CNDP2: variants seen among roughly 807,000 people sequenced by gnomAD.
CNDP2 encodes the protein cytosolic non-specific dipeptidase.
A neutral mutation model predicts 55.0 loss-of-function variants in CNDP2; 38 were observed. The ratio of observed to expected loss-of-function variants is 0.69; its 90% CI spans 0.53 to 0.90. CNDP2 has a LOEUF of 0.90. CNDP2 is among the 40% of genes least tolerant of loss of function. The pLI is 0.00. For synonymous variants in CNDP2, 241 were observed against 260.2 expected, an observed-to-expected ratio of 0.93 and a Z score of 0.71; for missense variants, 607 against 621.7, an observed-to-expected ratio of 0.98 and a Z score of 0.25.
intron 9 of CNDP2, chr18:74,518,285 G>T (rs999793869): frequency 4.3e-6 from 2 of 460,288 alleles, no homozygotes; most frequent in African/African-American, 2.0e-5. Context: ...AATAAAAAAA[G>T]AAGTCTCCTC....
Position 74,520,216 on chromosome 18 carries a change from C to A in CNDP2, c.*148C>A, listed in dbSNP as rs1979974706. 3 of 719,966 alleles carry A rather than the reference C, an allele frequency of 4.2e-6. No homozygotes were observed. The highest frequency in any genetic ancestry group is 7.0e-6 in the Non-Finnish European group (3 of 429,604). The allele number at this position is 719,966 out of a possible 1,614,324, so 44.6% of individuals were successfully genotyped here. ...CTTTAGAGAACAGACACAAGTGTAT[C>A]CAGCTGTCCACGGGTGGAGCTACCC... On this transcript the variant is annotated 3_prime_UTR_variant, in exon 12 of 12. Transcript: ENST00000324262.
chr18:74,519,863 T>C lies in CNDP2; in HGVS notation c.1359-136T>C, dbSNP rs865834234. On this transcript the variant is annotated intron_variant, in intron 11 of 11. Coordinates refer to ENST00000324262, the MANE Select transcript of CNDP2 (RefSeq NM_018235.3). Reference sequence around the variant, plus strand: ...GCTGAATTCTGAAGGCAAGCAGGGCTCAGGGCCCCCAAGCTGGGATGGGGG... The same window carrying C: ...GCTGAATTCTGAAGGCAAGCAGGGCCCAGGGCCCCCAAGCTGGGATGGGGG... 18 of 711,338 alleles carry C rather than the reference T, an allele frequency of 2.5e-5. No individual in the cohort carries two copies. The Admixed American group carries it at 4.4e-4, about 17-fold the overall frequency. The allele number at this position is 711,338 out of a possible 1,614,324, so 44.1% of individuals were successfully genotyped here. A position where few individuals can be genotyped will look rare whatever the true frequency, so the allele number is the denominator to read the frequency against.
At chr18:74,504,104 C>T (rs1273546705) in intron 3 of CNDP2, among the ~76,000 whole-genome samples, 4 of 146,158 alleles carry the variant, frequency 2.7e-5, no homozygotes, top group Admixed American at 6.8e-5. Flanking sequence ...AAATGAGGGG[C>T]GTCAGGCCAC....
Position 74,505,944 on chromosome 18 carries a change from G to C in CNDP2, c.300G>C (p.Leu100=). Residue 100 remains leucine, a synonymous_variant, in exon 4 of 12, where the codon CTG becomes CTC. Transcript: ENST00000324262. ...AGACCGTGTGCATTTACGGGCACCT[G>C]GATGTGCAGCCTGCAGCCCTGGAGG... ...QKKTVCIYGH[L]DVQPAALEDG... The C allele has an allele frequency of 6.2e-7, 1 of 1,612,334 alleles. No individual in the cohort carries two copies. The highest frequency in any genetic ancestry group is 8.5e-7 in the Non-Finnish European group (1 of 1,179,410).
At chr18:74,506,305 T>A (rs1176186943) in intron 4 of CNDP2, among the ~76,000 whole-genome samples, 1 of 152,062 alleles carries the variant, frequency 6.6e-6, no homozygotes, top group Non-Finnish European at 1.5e-5. Flanking sequence ...TGGCTAGTTT[T>A]TTTATTTTTA....
At chr18:74,513,743 C>T (rs1315103021) in intron 8 of CNDP2, 24 bp downstream of exon 8, 2 of 1,606,936 alleles carry the variant, frequency 1.2e-6, no homozygotes, top group East Asian at 2.2e-5. Context: ...CTCGACTCTG[C>T]CACCTGCCCA....
chr18:74,509,044 G>A (rs186875378), intron 5 of CNDP2, 116 bp downstream of exon 5: 9,108 of 822,606 alleles, frequency 0.011, 80 homozygotes, highest in Non-Finnish European at 0.014. Flanking sequence ...TAAGACAAGC[G>A]TCCCCCAGCC....
chr18:74,497,025 G>A (rs571125639), intron 1 of CNDP2, among the ~76,000 whole-genome samples: 1 of 152,198 alleles, frequency 6.6e-6, no homozygotes, highest in Non-Finnish European at 1.5e-5. Context: ...ATGCCAGCTT[G>A]ATGGTCTGGG....
At chr18:74,519,125 G>C (rs1172439879) in intron 11 of CNDP2, 29 bp downstream of exon 11, 2 of 1,583,490 alleles carry the variant, frequency 1.3e-6, no homozygotes, top group East Asian at 4.5e-5. Flanking sequence ...GCCCAGGTTG[G>C]CGTCTCCTGC....
rs868206104 is a variant in CNDP2, at chr18:74,510,918, G to A, written c.562G>A (p.Val188Met). ...CCGGAAAGACACATTCTTTAAGGATGTGGACTATGTCTGCATTTCTGACAA... is the reference window on the plus strand; with the variant it reads ...CCGGAAAGACACATTCTTTAAGGATATGGACTATGTCTGCATTTCTGACAA... The part of the protein sequence containing the change: ...FARKDTFFKD[V>M]DYVCISDNYW... The change falls in exon 6 of 12, where the codon GTG becomes ATG. Residue 188 changes from valine (V) to methionine (M), a missense_variant. Physicochemically the swap from Val to Met is conservative, Grantham distance 21. Transcript: ENST00000324262. 1 of 1,614,194 alleles carries A rather than the reference G, an allele frequency of 6.2e-7. No individual in the cohort carries two copies. Among genetic ancestry groups the A allele is most frequent in the Non-Finnish European group, 8.5e-7 (1 of 1,180,026 alleles).
rs1980142497 is a variant in CNDP2, at chr18:74,523,041, A to G, written c.*2973A>G. On this transcript the variant is annotated 3_prime_UTR_variant, in exon 12 of 12. Coordinates refer to ENST00000324262, the MANE Select transcript of CNDP2 (RefSeq NM_018235.3). ...CTCTGCAAGCTCAGTCCCTCGTGGA[A>G]TTTCCAGGAGCACAAGGGCAATCTC... is the stretch of plus-strand genomic sequence containing the variant. 6.6e-6 allele frequency: 1 copy of G among 152,300 alleles called. No individual in the cohort carries two copies. The allele number at this position is 152,300 out of a possible 1,614,324, so 9.4% of individuals were successfully genotyped here. A position where few individuals can be genotyped will look rare whatever the true frequency, so the allele number is the denominator to read the frequency against.
Position 74,510,971 on chromosome 18 carries a change from C to A in CNDP2, c.615C>A (p.Cys205Ter), listed in dbSNP as rs139467921. ...DNYWLGKKKP[C>*]ITYGLRGICY... is the part of the protein sequence containing the mutation. ...ACTGGCTGGGAAAGAAGAAGCCCTG[C>A]ATCACCTACGGCCTCAGGGGCATTT... The change falls in exon 6 of 12, where the codon TGC (cysteine) becomes TGA (stop). Residue 205 changes from cysteine to a stop codon, truncating the protein, a stop_gained. Transcript: ENST00000324262. LOFTEE classifies it high-confidence loss of function. The A allele has an allele frequency of 2.5e-6, 4 of 1,614,212 alleles. No homozygotes were observed. Among genetic ancestry groups the A allele is most frequent in the Non-Finnish European group, 3.4e-6 (4 of 1,180,042 alleles).
Position 74,516,242 on chromosome 18 carries a change from G to A in CNDP2, c.918G>A (p.Met306Ile). The A allele has an allele frequency of 6.2e-7, 1 of 1,613,062 alleles. No homozygotes were observed. Among genetic ancestry groups the A allele is most frequent in the Non-Finnish European group, 8.5e-7 (1 of 1,179,362 alleles). Residue 306 changes from methionine to isoleucine, a missense_variant, in exon 9 of 12, where the codon ATG becomes ATA. Transcript: ENST00000324262. ...TTTTTCTGCAGAAAGACATCCTCATGCACCGATGGCGGTACCCGTCTCTGT... is the reference window on the plus strand; with the variant it reads ...TTTTTCTGCAGAAAGACATCCTCATACACCGATGGCGGTACCCGTCTCTGT... ...LLHSHKKDIL[M>I]HRWRYPSLSL...
At chr18:74,505,244 T>C (rs1336075529) in intron 3 of CNDP2, 1 of 152,188 alleles carries the variant, frequency 6.6e-6, no homozygotes, top group Non-Finnish European at 1.5e-5. Context: ...CTAAGTTGCA[T>C]CCCGAACTCA....
rs771135522 is a variant in CNDP2, at chr18:74,513,648, G to A, written c.832G>A (p.Asp278Asn). ...CACGGAAGAGGAGCACAAGCTGTACGACGACATCGACTTTGACATAGAGGA... is the reference window on the plus strand; with the variant it reads ...CACGGAAGAGGAGCACAAGCTGTACAACGACATCGACTTTGACATAGAGGA... ...AVTEEEHKLY[D>N]DIDFDIEEFA... Residue 278 changes from aspartate to asparagine, a missense_variant, in exon 8 of 12, where the codon GAC becomes AAC. Coordinates refer to ENST00000324262, the MANE Select transcript of CNDP2 (RefSeq NM_018235.3). 24 of 1,613,988 alleles carry A rather than the reference G, an allele frequency of 1.5e-5. No individual in the cohort carries two copies. The highest frequency in any genetic ancestry group is 5.0e-5 in the Admixed American group (3 of 60,000).
At chr18:74,511,223 G>A (rs1424699618) in intron 6 of CNDP2, 1 of 588,890 alleles carries the variant, frequency 1.7e-6, no homozygotes. Context: ...TAATCTCACA[G>A]CAGCATCAAG....
chr18:74,519,497 C>T (rs1431508153), intron 11 of CNDP2, among the ~76,000 whole-genome samples: 2 of 152,222 alleles, frequency 1.3e-5, no homozygotes, highest in Non-Finnish European at 2.9e-5. Flanking sequence ...CTGAGCCAGC[C>T]TTGGGAGCAG....
chr18:74,511,445 G>T (rs1979346855), intron 6 of CNDP2, among the ~76,000 whole-genome samples: 2 of 152,192 alleles, frequency 1.3e-5, no homozygotes, highest in Admixed American at 6.5e-5. Flanking sequence ...AGTGGCTCAC[G>T]CCTGTAATCC....
At chr18:74,511,548 A>G (rs1259558595) in intron 6 of CNDP2, among the ~76,000 whole-genome samples, 1 of 152,102 alleles carries the variant, frequency 6.6e-6, no homozygotes, top group Non-Finnish European at 1.5e-5. Flanking sequence ...CTCCACTAAA[A>G]ATACAAAAAG....
Sources: gnomAD v4.1 joint callset for allele counts (sites outside exome capture counted in the v4.1 genomes callset) on GRCh38, gnomAD v4.1.1 for gene constraint, MANE v1.5 for transcripts, NCBI Gene and HGNC (gene_info 2026-07-23, HGNC 2026-07-21) for gene names.